Variants in EZR observed in about 807,000 individuals in gnomAD.
EZR encodes the protein cytovillin 2.
In EZR, 40 loss-of-function variants were observed where a neutral mutation model predicts 74.8. The ratio of observed to expected loss-of-function variants is 0.53; its 90% CI spans 0.42 to 0.70. EZR has a LOEUF of 0.70. EZR is among the 30% of genes least tolerant of loss of function. The probability of loss-of-function intolerance (pLI) is 0.00; values close to 1 mark genes in which losing one functional copy is unlikely to be tolerated. For synonymous variants in EZR, 341 were observed against 283.3 expected (o/e 1.20, Z -2.05); for missense variants, 678 against 755.8 (o/e 0.90, Z 1.21).
intron 2 of EZR, among the ~76,000 whole-genome samples, chr6:158,800,233 GTC>G (rs1476610594): frequency 5.3e-5 from 8 of 152,130 alleles, no homozygotes. Context: ...ATTAAATGAA[GTC>G]TCTCTATATA....
intron 2 of EZR, among the ~76,000 whole-genome samples, chr6:158,801,733 CA>C (rs1777191941): frequency 6.6e-6 from 1 of 152,242 alleles, no homozygotes; most frequent in Non-Finnish European, 1.5e-5. Flanking sequence ...CTATAACCAG[CA>C]CTCCCCACAG....
chr6:158,790,197 T>C (rs947079303), intron 2 of EZR, among the ~76,000 whole-genome samples: 16 of 152,106 alleles, frequency 1.1e-4, no homozygotes, highest in African/African-American at 3.6e-4. Flanking sequence ...ACTGGGCAAA[T>C]TGCTTCTGAA....
intron 2 of EZR, among the ~76,000 whole-genome samples, chr6:158,799,414 C>A (rs1777145154): frequency 6.6e-6 from 1 of 152,130 alleles, no homozygotes; most frequent in African/African-American, 2.4e-5. Context: ...ACCTGTTTGG[C>A]CAAGATTAAT....
At chr6:158,787,558 G>GC (rs1311548768) in intron 3 of EZR, among the ~76,000 whole-genome samples, 3 of 152,272 alleles carry the variant, frequency 2.0e-5, no homozygotes, top group East Asian at 3.9e-4. Flanking sequence ...GGAGCCCACA[G>GC]CCCCCCAGGG....
rs572957005 is a variant in EZR, at chr6:158,781,053, A to G, written c.698+2467T>C. 3.3e-5 allele frequency among the ~76,000 whole-genome samples: 5 copies of G among 152,258 alleles called. No individual in the cohort carries two copies. The South Asian group carries it at 1.0e-3, about 32-fold the overall frequency. On this transcript the variant is annotated intron_variant, in intron 7 of 13. Transcript: ENST00000367075. ...CAGAGTATAAATCTCTTAGAGCTCA[A>G]TTTCCATATTCAATAGATCAGCTTT...
chr6:158,789,962 A>G (rs1242748827), intron 2 of EZR, among the ~76,000 whole-genome samples: 1 of 152,038 alleles, frequency 6.6e-6, no homozygotes, highest in African/African-American at 2.4e-5. Context: ...ACTTTAACCT[A>G]TTTTTCCATG....
At chr6:158,801,566 A>G (rs955943862) in intron 2 of EZR, among the ~76,000 whole-genome samples, 4 of 152,238 alleles carry the variant, frequency 2.6e-5, no homozygotes, top group Non-Finnish European at 4.4e-5. Flanking sequence ...TAACAAAAAC[A>G]TGGGTACGCT....
Position 158,783,630 on chromosome 6 carries a change from C to T in EZR, c.588G>A (p.Gln196=). The part of the protein sequence containing the change: ...NAMLEYLKIA[Q]DLEMYGINYF... ...AGTTGATTCCATACATTTCCAGGTC[C>T]TGAGCAATCTTCAGGTATTCCAACA... is the stretch of plus-strand genomic sequence containing the variant. The change falls in exon 7 of 14, where the codon CAG becomes CAA. Residue 196 remains glutamine (Q), a synonymous_variant. Coordinates refer to ENST00000367075, the MANE Select transcript of EZR (RefSeq NM_001111077.2). The T allele has an allele frequency of 6.2e-7, 1 of 1,613,904 alleles. No homozygotes were observed. The highest frequency in any genetic ancestry group is 2.2e-5 in the East Asian group (1 of 44,880).
At chr6:158,773,668 A>G (rs1172118774) in intron 8 of EZR, among the ~76,000 whole-genome samples, 1 of 152,252 alleles carries the variant, frequency 6.6e-6, no homozygotes, top group Non-Finnish European at 1.5e-5. Context: ...GCCAATCCCA[A>G]GGCTCATCTG....
intron 2 of EZR, among the ~76,000 whole-genome samples, chr6:158,803,537 ATATATATG>A (rs1451009632): frequency 0.23 from 1,101 of 4,728 alleles, 76 homozygotes; most frequent in Middle Eastern, 0.3. Flanking sequence ...TTATATATAT[ATATATATG>A]TATATATATA....
At chr6:158,807,220 CAGG>C (rs1168974035) in intron 2 of EZR, among the ~76,000 whole-genome samples, 1 of 151,472 alleles carries the variant, frequency 6.6e-6, no homozygotes, top group African/African-American at 2.4e-5. Flanking sequence ...GAGGCTGAGG[CAGG>C]AGAATGGCGT....
At position 158,785,342 on chromosome 6, in the gene EZR, C is replaced by T; in HGVS notation, c.434G>A (p.Gly145Glu). ...GATCAGCCGCTCAGAGCTGAGGTAC[C>T]CAGACTTGTGCACTTCTTTGTTGTA... The part of the protein sequence containing the change: ...GDYNKEVHKS[G>E]YLSSERLIPQ... The change falls in exon 5 of 14, where the codon GGG (glycine) becomes GAG (glutamate). Residue 145 changes from glycine (G) to glutamate (E), a missense_variant. Transcript: ENST00000367075. 1 of 1,614,194 alleles carries T rather than the reference C, an allele frequency of 6.2e-7. No homozygotes were observed. The highest frequency in any genetic ancestry group is 1.7e-5 in the Admixed American group (1 of 60,034).
rs1432109736 is a variant in EZR, at chr6:158,769,815, G to A, written c.1220C>T (p.Ala407Val). 9.3e-6 allele frequency: 15 copies of A among 1,613,750 alleles called. No individual in the cohort carries two copies. Among genetic ancestry groups the A allele is most frequent in the South Asian group, 3.3e-5 (3 of 91,074 alleles). Residue 407 changes from alanine (A) to valine (V), a missense_variant, in exon 11 of 14, where the codon GCG becomes GTG. By Grantham distance (64) the Ala-to-Val change is moderately conservative (BLOSUM62 0). This residue lies in a region of EZR where 342 missense variants were observed against 341.2 expected (regional missense o/e 1.00). Coordinates refer to ENST00000367075, the MANE Select transcript of EZR (RefSeq NM_001111077.2). ...LRAKEELERQ[A>V]VDQIKSQEQL... is the part of the protein sequence containing the mutation. Reference sequence around the variant, plus strand: ...CTCCTGGCTCTTTATCTGATCCACCGCCTGTCTCTCCAGCTCCTCCTTAGC... The same window carrying A: ...CTCCTGGCTCTTTATCTGATCCACCACCTGTCTCTCCAGCTCCTCCTTAGC...
intron 6 of EZR, 71 bp downstream of exon 6, chr6:158,784,573 A>T: frequency 7.4e-7 from 1 of 1,351,628 alleles, no homozygotes; most frequent in Non-Finnish European, 1.1e-6. Context: ...AGCACTAACT[A>T]GAGTCACAGG....
chr6:158,767,411 G>T lies in EZR; in HGVS notation c.1446C>A (p.Ser482Arg). The T allele has an allele frequency of 6.2e-7, 1 of 1,613,450 alleles. No individual in the cohort carries two copies. Among genetic ancestry groups the T allele is most frequent in the Non-Finnish European group, 8.5e-7 (1 of 1,179,790 alleles). Residue 482 changes from serine to arginine, a missense_variant, in exon 13 of 14, where the codon AGC becomes AGA. By Grantham distance (110) the Ser-to-Arg change is moderately radical. Coordinates refer to ENST00000367075, the MANE Select transcript of EZR (RefSeq NM_001111077.2). ...CCTGCAAGCTCTCCTGGACATGGTA[G>T]CTCACCGGCTCGTACACGGGGGGTG... is the stretch of plus-strand genomic sequence containing the variant. ...PPPPPVYEPV[S>R]YHVQESLQDE...
rs1334204072 is a variant in EZR at position 158,776,388 on chromosome 6, T to G, written c.795+20A>C. 1.3e-6 allele frequency: 2 copies of G among 1,583,416 alleles called. No homozygotes were observed. Among genetic ancestry groups the G allele is most frequent in the African/African-American group, 2.7e-5 (2 of 74,258 alleles). ...AGAATGAAAAACAGTAGCCCCTGAA[T>G]AGAATCCTTTGGAACTTACAGGTGC... On this transcript the variant is annotated intron_variant, in intron 8 of 13. Coordinates refer to ENST00000367075, the MANE Select transcript of EZR (RefSeq NM_001111077.2).
At position 158,771,118 on chromosome 6, in the gene EZR, C is replaced by A. The variant is rs1488374395; in HGVS notation, c.959+126G>T. On this transcript the variant is annotated intron_variant, in intron 9 of 13. Coordinates refer to ENST00000367075, the MANE Select transcript of EZR (RefSeq NM_001111077.2). Reference sequence around the variant, plus strand: ...GAGACAAAGGCCTCGAAGATCCCAGCGTGGTGACTGGGTTCCATTCCACCA... The same window carrying A: ...GAGACAAAGGCCTCGAAGATCCCAGAGTGGTGACTGGGTTCCATTCCACCA... The A allele has an allele frequency of 1.9e-5, 27 of 1,396,752 alleles. No individual in the cohort carries two copies. The Admixed American group carries it at 4.1e-4, about 21-fold the overall frequency. The allele number at this position is 1,396,752 out of a possible 1,614,324, so 86.5% of individuals were successfully genotyped here.
Position 158,776,521 on chromosome 6 carries a change from G to A in EZR, c.699-17C>T, listed in dbSNP as rs1304733809. ...GGGGTTAACCTGAGGTTAAAAAGAA[G>A]AAGTGGATGGTTAGATGTATACATA... On this transcript the variant is annotated splice_polypyrimidine_tract_variant and intron_variant, in intron 7 of 13. Transcript: ENST00000367075. The A allele has an allele frequency of 6.4e-7, 1 of 1,569,686 alleles. No individual in the cohort carries two copies. The highest frequency in any genetic ancestry group is 1.4e-5 in the African/African-American group (1 of 73,638).
intron 7 of EZR, among the ~76,000 whole-genome samples, chr6:158,783,013 T>TA (rs1292177057): frequency 2.6e-5 from 4 of 152,204 alleles, no homozygotes; most frequent in Non-Finnish European, 5.9e-5. Context: ...ACAACGTAAC[T>TA]AATGCGAGGC....
Sources: gnomAD v4.1 joint callset for allele counts (sites outside exome capture counted in the v4.1 genomes callset) on GRCh38, gnomAD v4.1.1 for gene constraint, gnomAD v4.1.1 regional missense constraint, MANE v1.5 for transcripts, NCBI Gene and HGNC (gene_info 2026-07-23, HGNC 2026-07-21) for gene names.